CSMD1: variants seen among roughly 807,000 people sequenced by gnomAD.
The protein encoded by CSMD1 is CUB and Sushi multiple domains 1.
Under a neutral mutation model 417.5 loss-of-function variants are expected in CSMD1, and 213 were observed. The observed-to-expected ratio is 0.51, with a 90% confidence interval of 0.46 to 0.57. The LOEUF is 0.57. CSMD1 is among the 20% of genes least tolerant of loss of function. CSMD1 has a pLI of 0.00. For missense variants in CSMD1, 6,923 were observed against 4,529.7 expected (o/e 1.53, Z -15.17); for synonymous variants, 2,862 against 1,736.8 (o/e 1.65, Z -16.11).
intron 18 of CSMD1, among the ~76,000 whole-genome samples, chr8:3,378,126 G>C (rs1414831817): frequency 6.6e-6 from 1 of 152,220 alleles, no homozygotes; most frequent in South Asian, 2.1e-4. Context: ...AAGAGAGGAA[G>C]ACATTCAATT....
At chr8:3,764,678 G>A (rs894796601) in intron 5 of CSMD1, among the ~76,000 whole-genome samples, 2 of 151,700 alleles carry the variant, frequency 1.3e-5, no homozygotes, top group African/African-American at 4.8e-5. Context: ...TCATTATCTA[G>A]AGCAGTAATC....
intron 26 of CSMD1, among the ~76,000 whole-genome samples, chr8:3,234,909 G>C (rs755840029): frequency 6.6e-5 from 10 of 152,166 alleles, no homozygotes; most frequent in Non-Finnish European, 1.3e-4. Context: ...ATCAACTGTT[G>C]TTGAGATTTC....
At chr8:4,057,894 T>G (rs1331511012) in intron 3 of CSMD1, among the ~76,000 whole-genome samples, 1 of 152,116 alleles carries the variant, frequency 6.6e-6, no homozygotes, top group African/African-American at 2.4e-5. Context: ...TTGATCTATA[T>G]CTCTGTTTTG....
At chr8:3,629,091 G>C (rs1381500644) in intron 7 of CSMD1, among the ~76,000 whole-genome samples, 1 of 152,100 alleles carries the variant, frequency 6.6e-6, no homozygotes, top group East Asian at 1.9e-4. Flanking sequence ...GAGAAGTCGG[G>C]GGAAGAAGGG....
intron 7 of CSMD1, among the ~76,000 whole-genome samples, chr8:3,639,752 T>A (rs1797215226): frequency 6.6e-6 from 1 of 152,224 alleles, no homozygotes; most frequent in African/African-American, 2.4e-5. Flanking sequence ...TATTCACTAA[T>A]ATATACATCT....
chr8:4,778,276 G>T (rs1013274274), intron 1 of CSMD1, among the ~76,000 whole-genome samples: 1 of 152,038 alleles, frequency 6.6e-6, no homozygotes, highest in African/African-American at 2.4e-5. Context: ...ACATGGGCTG[G>T]TCATCTAATT....
intron 4 of CSMD1, among the ~76,000 whole-genome samples, chr8:4,002,213 G>C (rs1324931971): frequency 1.3e-5 from 2 of 151,356 alleles, no homozygotes; most frequent in Non-Finnish European, 1.5e-5. Flanking sequence ...GAGTGTGTGT[G>C]TGTGAGTGTG....
At chr8:3,220,150 C>CAAAAAAAAAAAAAAAAAAAAAA (rs756296256) in intron 28 of CSMD1, among the ~76,000 whole-genome samples, 1 of 114,206 alleles carries the variant, frequency 8.8e-6, no homozygotes, top group African/African-American at 3.5e-5. Flanking sequence ...AAGACCCTGT[C>CAAAAAAAAAAAAAAAAAAAAAA]AAAAAAAAAA....
At chr8:4,234,198 T>C (rs1801911070) in intron 3 of CSMD1, among the ~76,000 whole-genome samples, 1 of 152,130 alleles carries the variant, frequency 6.6e-6, no homozygotes, top group South Asian at 2.1e-4. Context: ...CCAAGAAAGA[T>C]GAACAGAAAA....
intron 2 of CSMD1, among the ~76,000 whole-genome samples, chr8:4,602,417 G>A (rs1267513259): frequency 1.3e-5 from 2 of 152,134 alleles, no homozygotes; most frequent in Non-Finnish European, 2.9e-5. Context: ...ACGGAACACA[G>A]GAACATGTTG....
At chr8:3,494,587 GAT>G (rs1469748498) in intron 10 of CSMD1, among the ~76,000 whole-genome samples, 3 of 151,828 alleles carry the variant, frequency 2.0e-5, no homozygotes, top group African/African-American at 7.3e-5. Flanking sequence ...TAGATAGATA[GAT>G]AGATAGATAG....
intron 3 of CSMD1, among the ~76,000 whole-genome samples, chr8:4,090,632 C>G (rs569961933): frequency 1.3e-5 from 2 of 152,128 alleles, no homozygotes; most frequent in African/African-American, 4.8e-5. Flanking sequence ...TGTAAAAGAA[C>G]GTCCCTGAAC....
Position 3,190,044 on chromosome 8 carries a change from C to G in CSMD1, c.5266G>C (p.Glu1756Gln). 1 of 1,595,782 alleles carries G rather than the reference C, an allele frequency of 6.3e-7. No individual in the cohort carries two copies. Among genetic ancestry groups the G allele is most frequent in the Non-Finnish European group, 8.5e-7 (1 of 1,171,384 alleles). The part of the protein sequence containing the change: ...EPRYGRRIGS[E>Q]FSAGSIVRFE... ...CGGACGATGGAGCCGGCAGAAAACT[C>G]AGAACCAATTCTCCTTCCGTATCTG... The change falls in exon 34 of 70, where the codon GAG becomes CAG. Residue 1756 changes from glutamate to glutamine, a missense_variant. By Grantham distance (29) the Glu-to-Gln change is conservative (BLOSUM62 2). Transcript: ENST00000635120.
chr8:4,183,501 C>G (rs968942640), intron 3 of CSMD1, among the ~76,000 whole-genome samples: 12 of 152,054 alleles, frequency 7.9e-5, no homozygotes, highest in African/African-American at 2.9e-4. Context: ...TGCTTTTTCT[C>G]TTCTATCATG....
intron 3 of CSMD1, among the ~76,000 whole-genome samples, chr8:4,399,378 T>A (rs1054207932): frequency 1.3e-5 from 2 of 152,158 alleles, no homozygotes; most frequent in African/African-American, 4.8e-5. Context: ...ATAATTAGAA[T>A]AGAGTTTCAA....
intron 41 of CSMD1, among the ~76,000 whole-genome samples, chr8:3,130,819 G>A (rs957535767): frequency 6.6e-6 from 1 of 152,126 alleles, no homozygotes; most frequent in Admixed American, 6.5e-5. Context: ...GCTTCAGCCT[G>A]GGCACGGCTG....
At position 3,267,459 on chromosome 8, in the gene CSMD1, G is replaced by C. The variant is rs193199804; in HGVS notation, c.4153+16685C>G. ...AGTTGCGTGGTTGGTGGCCGTGCAT[G>C]TACACTGGTAAACAAGCTGCCAGGC... On this transcript the variant is annotated intron_variant, in intron 26 of 69. Transcript: ENST00000635120. Among the ~76,000 whole-genome samples the C allele has an allele frequency of 4.4e-4, 67 of 152,326 alleles. 1 individual carries two copies. Among genetic ancestry groups the C allele is most frequent in the Middle Eastern group, 3.4e-3 (1 of 294 alleles).
At chr8:3,043,837 A>G (rs891248775) in intron 50 of CSMD1, 1 of 152,428 alleles carries the variant, frequency 6.6e-6, no homozygotes, top group Non-Finnish European at 1.5e-5. Context: ...AGGCACTACC[A>G]AAAAAATGCA....
intron 49 of CSMD1, among the ~76,000 whole-genome samples, chr8:3,086,280 TTAGAGGTAAAACATAAATAATACAG>T (rs1480695729): frequency 6.6e-5 from 10 of 152,194 alleles, no homozygotes; most frequent in African/African-American, 2.2e-4. Flanking sequence ...ATACGAATTT[TTAGAGGTAAAACATAAATAATACAG>T]TAGAGGTAAA....
Sources: gnomAD v4.1 joint callset for allele counts (sites outside exome capture counted in the v4.1 genomes callset) on GRCh38, gnomAD v4.1.1 for gene constraint, MANE v1.5 for transcripts, NCBI Gene and HGNC (gene_info 2026-07-23, HGNC 2026-07-21) for gene names.